Variants in ACOD1 observed in about 807,000 individuals in gnomAD.
The protein encoded by ACOD1 is cis-aconitate decarboxylase.
ACOD1 carries 14 observed loss-of-function variants against 14.2 expected under a neutral mutation model. The ratio of observed to expected loss-of-function variants is 0.99; its 90% CI spans 0.65 to 1.54. ACOD1 has a LOEUF of 1.54. Among genes scored for constraint, ACOD1 ranks in the 40% most tolerant of loss-of-function variants. The probability of loss-of-function intolerance (pLI) is 0.00; values close to 1 mark genes in which losing one functional copy is unlikely to be tolerated. For synonymous variants in ACOD1, 182 were observed against 221.7 expected (o/e 0.82, Z 1.59); for missense variants, 530 against 586.3 (o/e 0.90, Z 0.99).
At chr13:76,956,464 T>C (rs944949407) in intron 4 of ACOD1, among the ~76,000 whole-genome samples, 3 of 152,174 alleles carry the variant, frequency 2.0e-5, no homozygotes, top group Non-Finnish European at 4.4e-5. Flanking sequence ...CCTCCCAAAG[T>C]GCTGGGATTA....
intron 3 of ACOD1, among the ~76,000 whole-genome samples, chr13:76,954,513 T>C (rs143655097): frequency 1.1e-3 from 173 of 152,358 alleles, no homozygotes; most frequent in Non-Finnish European, 1.9e-3. Flanking sequence ...GTTTGACAGT[T>C]ATTGTGCTAT....
rs1254320035 is a variant in ACOD1, at chr13:76,955,383, C to A, written c.329C>A (p.Pro110His). 1 of 1,550,614 alleles carries A rather than the reference C, an allele frequency of 6.4e-7. No homozygotes were observed. The highest frequency in any genetic ancestry group is 1.2e-5 in the South Asian group (1 of 84,060). ...ACCCACCCTTCTGGGGCTGTCCTTC[C>A]TGTCCTCACAGCTTTAGCAGAAGCC... ...PATHPSGAVLPVLTALAEALP... is the reference protein window; with the variant it reads ...PATHPSGAVLHVLTALAEALP... Residue 110 changes from proline (P) to histidine (H), a missense_variant, in exon 4 of 5, where the codon CCT becomes CAT. Coordinates refer to ENST00000377462, the MANE Select transcript of ACOD1 (RefSeq NM_001258406.2).
intron 1 of ACOD1, among the ~76,000 whole-genome samples, chr13:76,951,270 CTG>C (rs1398124770): frequency 6.6e-6 from 1 of 152,188 alleles, no homozygotes; most frequent in African/African-American, 2.4e-5. Context: ...GAGTCTCACT[CTG>C]TTGCCCAGGC....
chr13:76,953,347 C>T (rs1023924933), intron 2 of ACOD1, among the ~76,000 whole-genome samples: 1 of 152,114 alleles, frequency 6.6e-6, no homozygotes, highest in African/African-American at 2.4e-5. Context: ...ATAAGAGTAA[C>T]TTCAGATGTG....
At chr13:76,952,364 G>T in intron 1 of ACOD1, 125 bp from the exon 2 acceptor site, 1 of 737,670 alleles carries the variant, frequency 1.4e-6, no homozygotes, top group Non-Finnish European at 2.1e-6. Context: ...AACTAAATCT[G>T]AGCAACTGGG....
rs988950663 is a variant in ACOD1 at position 76,955,608 on chromosome 13, G to C, written c.470+84G>C. 8.0e-6 allele frequency: 10 copies of C among 1,242,950 alleles called. No homozygotes were observed. In the Admixed American group the frequency reaches 1.5e-4, roughly 18 times the overall value. 77.0% of individuals were successfully genotyped at this position (1,242,950 alleles called of 1,614,324 possible). ...TATCTCCGTAGAGCTTTCTGACTTA[G>C]AGGCCGGTTCAGAGGAAGATGTTAA... On this transcript the variant is annotated intron_variant, in intron 4 of 4. Coordinates refer to ENST00000377462, the MANE Select transcript of ACOD1 (RefSeq NM_001258406.2).
At chr13:76,952,216 A>G (rs1214131613) in intron 1 of ACOD1, among the ~76,000 whole-genome samples, 1 of 151,932 alleles carries the variant, frequency 6.6e-6, no homozygotes, top group Non-Finnish European at 1.5e-5. Context: ...ACCACCCATC[A>G]CGCAATGCTG....
chr13:76,951,268 C>A (rs1159655862), intron 1 of ACOD1, among the ~76,000 whole-genome samples: 3 of 152,204 alleles, frequency 2.0e-5, no homozygotes, highest in Non-Finnish European at 4.4e-5. Context: ...AGGAGTCTCA[C>A]TCTGTTGCCC....
chr13:76,955,265 T>C, intron 3 of ACOD1, 54 bp from the exon 4 acceptor site: 2 of 1,407,576 alleles, frequency 1.4e-6, no homozygotes, highest in East Asian at 2.5e-5. Flanking sequence ...CAAAAGCCAT[T>C]GCATTAAGGG....
chr13:76,958,325 T>C lies in ACOD1; in HGVS notation c.*340T>C, dbSNP rs1185927317. 1 of 207,564 alleles carries C rather than the reference T, an allele frequency of 4.8e-6. No homozygotes were observed. The highest frequency in any genetic ancestry group is 9.7e-6 in the Non-Finnish European group (1 of 103,192). 12.9% of individuals were successfully genotyped at this position (207,564 alleles called of 1,614,324 possible). A position where few individuals can be genotyped will look rare whatever the true frequency, so the allele number is the denominator to read the frequency against. ...GGTTTTAGAGGGATGTGAACCTGCA[T>C]GTATATTTTCTGACAGTGGAGAGGG... On this transcript the variant is annotated 3_prime_UTR_variant, in exon 5 of 5. Coordinates refer to ENST00000377462, the MANE Select transcript of ACOD1 (RefSeq NM_001258406.2).
chr13:76,955,899 G>A (rs957586217), intron 4 of ACOD1, among the ~76,000 whole-genome samples: 2 of 152,234 alleles, frequency 1.3e-5, no homozygotes, highest in African/African-American at 4.8e-5. Context: ...TCATCCTGCA[G>A]ATAAAAAATG....
rs1456123089 is a variant in ACOD1, at chr13:76,955,372, G to A, written c.318G>A (p.Gly106=). The A allele has an allele frequency of 3.2e-6, 5 of 1,550,452 alleles. No individual in the cohort carries two copies. The highest frequency in any genetic ancestry group is 4.4e-6 in the Non-Finnish European group (5 of 1,147,004). The part of the protein sequence containing the change: ...DTWHPATHPS[G]AVLPVLTALA... ...GGCACCCTGCCACCCACCCTTCTGG[G>A]GCTGTCCTTCCTGTCCTCACAGCTT... Residue 106 remains glycine, a synonymous_variant, in exon 4 of 5, where the codon GGG becomes GGA. Coordinates refer to ENST00000377462, the MANE Select transcript of ACOD1 (RefSeq NM_001258406.2).
chr13:76,951,075 C>T (rs547771630), intron 1 of ACOD1, among the ~76,000 whole-genome samples: 2 of 152,256 alleles, frequency 1.3e-5, no homozygotes, highest in African/African-American at 4.8e-5. Flanking sequence ...TCGATGTCTC[C>T]ACCAACAGGG....
intron 2 of ACOD1, among the ~76,000 whole-genome samples, chr13:76,952,938 G>A (rs2033836795): frequency 6.6e-6 from 1 of 152,130 alleles, no homozygotes; most frequent in African/African-American, 2.4e-5. Flanking sequence ...TTTGAGACCA[G>A]CCTTGGCAAC....
intron 2 of ACOD1, 73 bp from the exon 3 acceptor site, chr13:76,953,527 A>C: frequency 3.4e-6 from 3 of 888,570 alleles, no homozygotes. Context: ...TCCAAAGATG[A>C]AGAATAACTC....
Position 76,958,002 on chromosome 13 carries a change from A to C in ACOD1, c.*17A>C, listed in dbSNP as rs1378526145. ...CTCTCCTGAGGCTTACCAACATCTA[A>C]ATGACTTTGCATTTGGGGAGATTCA... is the stretch of plus-strand genomic sequence containing the variant. On this transcript the variant is annotated 3_prime_UTR_variant, in exon 5 of 5. Coordinates refer to ENST00000377462, the MANE Select transcript of ACOD1 (RefSeq NM_001258406.2). 2.0e-6 allele frequency: 3 copies of C among 1,484,922 alleles called. No homozygotes were observed. The South Asian group carries it at 4.1e-5, about 21-fold the overall frequency. 92.0% of individuals were successfully genotyped at this position (1,484,922 alleles called of 1,614,324 possible). A position where few individuals can be genotyped will look rare whatever the true frequency, so the allele number is the denominator to read the frequency against.
chr13:76,952,847 A>G (rs545031578), intron 2 of ACOD1, among the ~76,000 whole-genome samples, 197 bp downstream of exon 2: 4 of 152,306 alleles, frequency 2.6e-5, no homozygotes, highest in South Asian at 2.1e-4. Context: ...TTAAAACCAT[A>G]CACAGTGAGG....
rs2033886352 is a variant in ACOD1 at position 76,957,235 on chromosome 13, C to A, written c.696C>A (p.Asn232Lys). ...TGGCAATGTTGGGTCTCCAAGGAAA[C>A]AAGCAGGTCTTGGACTTGGAGGCAG... Reference protein sequence around the residue: ...AFLAMLGLQGNKQVLDLEAGF... With the variant: ...AFLAMLGLQGKKQVLDLEAGF... Residue 232 changes from asparagine to lysine, a missense_variant, in exon 5 of 5, where the codon AAC becomes AAA. Coordinates refer to ENST00000377462, the MANE Select transcript of ACOD1 (RefSeq NM_001258406.2). 1 of 1,550,520 alleles carries A rather than the reference C, an allele frequency of 6.4e-7. No homozygotes were observed. The highest frequency in any genetic ancestry group is 1.4e-5 in the African/African-American group (1 of 73,070).
rs183224361 is a variant in ACOD1, at chr13:76,949,244, C to T, written c.12+674C>T. ...ATCGTGTCACTGTACTCCAGCCTAG[C>T]GACAGAGCGAGACTCCGTCTTGAAA... On this transcript the variant is annotated intron_variant, in intron 1 of 4. Transcript: ENST00000377462. Among the ~76,000 whole-genome samples, 305 of 151,492 alleles carry T rather than the reference C, an allele frequency of 2.0e-3. 2 individuals carry two copies. Among genetic ancestry groups the T allele is most frequent in the Non-Finnish European group, 1.7e-3 (113 of 67,916 alleles).
Sources: allele counts gnomAD v4.1 joint callset (sites outside exome capture counted in the v4.1 genomes callset), GRCh38; gene constraint gnomAD v4.1.1; transcripts MANE v1.5; gene names NCBI Gene and HGNC (gene_info 2026-07-23, HGNC 2026-07-21).